The following OR1J2 variants were observed in gnomAD, a reference collection of about 807,000 sequenced individuals.
OR1J2 encodes olfactory receptor 1J2.
For missense variants in OR1J2, 304 were observed against 246.1 expected (o/e 1.24, Z -1.57); for synonymous variants, 142 against 99.7 (o/e 1.42, Z -2.52).
chr9:122,477,817 G>A, the OR1J2 span: 3 of 1,613,874 alleles, frequency 1.9e-6, no homozygotes, highest in Non-Finnish European at 1.7e-6. Flanking sequence ...CAGCACCGTG[G>A]TCAGGTACAT....
At chr9:122,579,179 T>C in the OR1J2 span, among the ~76,000 whole-genome samples, 4 of 152,106 alleles carry the variant, frequency 2.6e-5, no homozygotes, top group Admixed American at 2.6e-4. Flanking sequence ...TATGTTGATA[T>C]AATTGACTAT....
the OR1J2 span, among the ~76,000 whole-genome samples, chr9:122,478,686 A>G: frequency 1.3e-5 from 2 of 152,230 alleles, no homozygotes; most frequent in Non-Finnish European, 2.9e-5. Flanking sequence ...TACTGTTGAA[A>G]GTCCAGGTAA....
At chr9:122,459,664 A>T in the OR1J2 span, among the ~76,000 whole-genome samples, 1 of 152,120 alleles carries the variant, frequency 6.6e-6, no homozygotes, top group Non-Finnish European at 1.5e-5. Flanking sequence ...GTAGTTGGAC[A>T]TTTCTTTAAT....
At chr9:122,469,926 A>G in the OR1J2 span, among the ~76,000 whole-genome samples, 2 of 152,224 alleles carry the variant, frequency 1.3e-5, no homozygotes, top group Admixed American at 6.5e-5. Flanking sequence ...TGTAAGCAGC[A>G]AAGCACTCAA....
the OR1J2 span, among the ~76,000 whole-genome samples, chr9:122,483,404 A>G: frequency 6.6e-6 from 1 of 152,226 alleles, no homozygotes; most frequent in Non-Finnish European, 1.5e-5. Context: ...ATGTAATTCT[A>G]TCCTGCAATA....
At chr9:122,479,823 C>T in the OR1J2 span, among the ~76,000 whole-genome samples, 6 of 152,156 alleles carry the variant, frequency 3.9e-5, no homozygotes, top group African/African-American at 1.4e-4. Context: ...AATGCATACT[C>T]TATATAAATT....
At chr9:122,565,660 C>A in the OR1J2 span, among the ~76,000 whole-genome samples, 1 of 152,194 alleles carries the variant, frequency 6.6e-6, no homozygotes, top group African/African-American at 2.4e-5. Context: ...AAGTATGGAT[C>A]CCGTCACCCA....
the OR1J2 span, among the ~76,000 whole-genome samples, chr9:122,550,139 A>G: frequency 2.6e-5 from 4 of 152,182 alleles, no homozygotes; most frequent in African/African-American, 9.6e-5. Flanking sequence ...GAATTCACAA[A>G]TGAGAAAACC....
At chr9:122,504,373 C>T in the OR1J2 span, among the ~76,000 whole-genome samples, 1 of 152,214 alleles carries the variant, frequency 6.6e-6, no homozygotes, top group Admixed American at 6.5e-5. Flanking sequence ...ATCCAATTAG[C>T]ATGGTCCCTT....
the OR1J2 span, among the ~76,000 whole-genome samples, chr9:122,493,821 G>A: frequency 3.9e-5 from 6 of 152,110 alleles, no homozygotes; most frequent in Non-Finnish European, 7.4e-5. Context: ...AGTTCTTGAT[G>A]TAGGCATTTA....
chr9:122,546,575 C>T, the OR1J2 span, among the ~76,000 whole-genome samples: 4 of 152,038 alleles, frequency 2.6e-5, no homozygotes, highest in East Asian at 3.8e-4. Flanking sequence ...AAAAATGCTA[C>T]GGATACAACT....
chr9:122,575,944 ATTTC>A, the OR1J2 span, among the ~76,000 whole-genome samples: 4 of 151,838 alleles, frequency 2.6e-5, no homozygotes, highest in Non-Finnish European at 5.9e-5. Flanking sequence ...ATCCCTGCAT[ATTTC>A]TTTCTTTTTA....
At chr9:122,519,843 T>C in the OR1J2 span, 1 of 1,614,144 alleles carries the variant, frequency 6.2e-7, no homozygotes, top group African/African-American at 1.3e-5. Flanking sequence ...TAAGGGCATC[T>C]TCAAAGCTTT....
At chr9:122,452,066 G>A in the OR1J2 span, among the ~76,000 whole-genome samples, 1 of 152,116 alleles carries the variant, frequency 6.6e-6, no homozygotes, top group Non-Finnish European at 1.5e-5. Flanking sequence ...TTTTAGTAGA[G>A]ACAGGGTTTC....
At chr9:122,479,488 C>A in the OR1J2 span, among the ~76,000 whole-genome samples, 1 of 152,330 alleles carries the variant, frequency 6.6e-6, no homozygotes, top group Non-Finnish European at 1.5e-5. Flanking sequence ...AAGGTACTGA[C>A]TGATGAGGCA....
At chr9:122,508,859 G>T, upstream of OR1J2, among the ~76,000 whole-genome samples, 1 of 152,138 alleles carries the variant, frequency 6.6e-6, no homozygotes, top group East Asian at 1.9e-4. Context: ...GTCTAAAATG[G>T]GTATCAGTGG....
the OR1J2 span, among the ~76,000 whole-genome samples, chr9:122,572,192 A>C: frequency 6.6e-5 from 10 of 152,208 alleles, no homozygotes; most frequent in Non-Finnish European, 1.3e-4. Context: ...ATCCGTCCCC[A>C]TGATCACCTC....
chr9:122,553,605 C>T, the OR1J2 span: 2 of 1,614,116 alleles, frequency 1.2e-6, no homozygotes, highest in South Asian at 2.2e-5. Context: ...CATCTGCCAA[C>T]CACTCCATTA....
chr9:122,494,073 A>G, the OR1J2 span, among the ~76,000 whole-genome samples: 1 of 152,168 alleles, frequency 6.6e-6, no homozygotes, highest in South Asian at 2.1e-4. Context: ...ATTTTCTTAA[A>G]TTTACTGAGA....
Sources: allele counts gnomAD v4.1 joint callset (sites outside exome capture counted in the v4.1 genomes callset), GRCh38; gene constraint gnomAD v4.1.1; transcripts MANE v1.5; gene names NCBI Gene and HGNC (gene_info 2026-07-23, HGNC 2026-07-21).